The following DENND1B variants were observed in gnomAD, a reference collection of about 807,000 sequenced individuals.
DENND1B encodes DENN domain containing 1B, also known as DENN domain-containing protein 1B.
Under a neutral mutation model 90.1 loss-of-function variants are expected in DENND1B, and 59 were observed. That is an observed-to-expected ratio of 0.65 (90% CI 0.53 to 0.81). DENND1B has a LOEUF of 0.81. Ranked by LOEUF, DENND1B falls within the 40% of genes least tolerant of loss-of-function variation. DENND1B has a pLI of 0.00. For synonymous variants in DENND1B, 337 were observed against 324.6 expected, an observed-to-expected ratio of 1.04 and a Z score of -0.41; for missense variants, 862 against 912.6, an observed-to-expected ratio of 0.94 and a Z score of 0.71.
intron 15 of DENND1B, among the ~76,000 whole-genome samples, chr1:197,565,569 A>T (rs187162817): frequency 3.3e-5 from 5 of 151,422 alleles, no homozygotes; most frequent in Non-Finnish European, 5.9e-5. Flanking sequence ...TACAAGTGCC[A>T]TGCTGGTGTG....
At chr1:197,559,343 G>A (rs773671300) in intron 15 of DENND1B, among the ~76,000 whole-genome samples, 9 of 152,022 alleles carry the variant, frequency 5.9e-5, no homozygotes, top group Non-Finnish European at 1.2e-4. Context: ...AGGCAGTGGT[G>A]CAATTCTCTG....
intron 13 of DENND1B, among the ~76,000 whole-genome samples, chr1:197,602,964 C>T (rs1676340126): frequency 6.6e-6 from 1 of 151,264 alleles, no homozygotes; most frequent in East Asian, 1.9e-4. Context: ...TTCCTGAAAG[C>T]TTCACCATAA....
intron 6 of DENND1B, among the ~76,000 whole-genome samples, chr1:197,656,585 A>G (rs1653852534): frequency 6.6e-6 from 1 of 152,154 alleles, no homozygotes; most frequent in South Asian, 2.1e-4. Context: ...AGATCCCTTG[A>G]GGCCAAGAAT....
rs768565376 is a variant in DENND1B, at chr1:197,511,758, T to G, written c.1785A>C (p.Arg595Ser). 3.1e-6 allele frequency: 5 copies of G among 1,610,298 alleles called. No individual in the cohort carries two copies. Among genetic ancestry groups the G allele is most frequent in the Non-Finnish European group, 4.2e-6 (5 of 1,177,752 alleles). ...LAAAKSLDFFRSMDDIDYKPT... is the reference protein window; with the variant it reads ...LAAAKSLDFFSSMDDIDYKPT... ...GTTTGTAATCAATGTCATCCATTGA[T>G]CTAAAGAAATCCAAGCTCTTTGCAG... The change falls in exon 22 of 23, where the codon AGA becomes AGC. Residue 595 changes from arginine (R) to serine (S), a missense_variant. Arg to Ser is a moderately radical substitution (Grantham distance 110, BLOSUM62 -1). Coordinates refer to ENST00000620048, the MANE Select transcript of DENND1B (RefSeq NM_001195215.2).
intron 3 of DENND1B, among the ~76,000 whole-genome samples, chr1:197,705,448 T>C (rs1659433675): frequency 6.6e-6 from 1 of 152,168 alleles, no homozygotes; most frequent in South Asian, 2.1e-4. Flanking sequence ...CGCTTCTGTA[T>C]TTCACTAAGC....
chr1:197,654,801 G>T (rs1558361774), intron 6 of DENND1B, among the ~76,000 whole-genome samples: 1 of 151,942 alleles, frequency 6.6e-6, no homozygotes. Flanking sequence ...AAGGATTTCA[G>T]CTGATTTATC....
chr1:197,664,726 T>C (rs540624146), intron 5 of DENND1B, among the ~76,000 whole-genome samples: 10 of 152,240 alleles, frequency 6.6e-5, no homozygotes, highest in African/African-American at 2.4e-4. Context: ...TAGGAAAACA[T>C]CTAATGTCTA....
intron 10 of DENND1B, among the ~76,000 whole-genome samples, chr1:197,627,097 G>A (rs564191606): frequency 2.0e-4 from 31 of 152,210 alleles, no homozygotes; most frequent in African/African-American, 7.2e-4. Context: ...TCTACCAGAG[G>A]TACAAGGAGG....
At position 197,505,932 on chromosome 1, in the gene DENND1B, A is replaced by G. The variant is rs1667709501; in HGVS notation, c.*4528T>C. 1 of 151,460 alleles carries G rather than the reference A, an allele frequency of 6.6e-6. No individual in the cohort carries two copies. Among genetic ancestry groups the G allele is most frequent in the Non-Finnish European group, 1.5e-5 (1 of 67,618 alleles). 9.4% of individuals were successfully genotyped at this position (151,460 alleles called of 1,614,324 possible). ...TTAAAGTAACAGTATTGTCAATCTA[A>G]TCTAAGGTACAGGATTTTCTTATTG... On this transcript the variant is annotated 3_prime_UTR_variant, in exon 23 of 23. Coordinates refer to ENST00000620048, the MANE Select transcript of DENND1B (RefSeq NM_001195215.2).
At chr1:197,613,731 T>G (rs979773547) in intron 11 of DENND1B, among the ~76,000 whole-genome samples, 2 of 125,794 alleles carry the variant, frequency 1.6e-5, no homozygotes, top group African/African-American at 5.8e-5. Context: ...GGCCATAATC[T>G]TAAATATCTC....
At chr1:197,660,285 G>A (rs988112369) in intron 5 of DENND1B, among the ~76,000 whole-genome samples, 3 of 151,804 alleles carry the variant, frequency 2.0e-5, no homozygotes, top group South Asian at 4.1e-4. Context: ...GTATACCTAT[G>A]TAACAAACCT....
rs1553342799 is a variant in DENND1B at position 197,750,603 on chromosome 1, T to TAGAC, written c.82+22264_82+22265insGTCT. On this transcript the variant is annotated intron_variant, in intron 2 of 22. Coordinates refer to ENST00000620048, the MANE Select transcript of DENND1B (RefSeq NM_001195215.2). Reference sequence around the variant, plus strand: ...ATAGATAGATAGATAGATAGATAGATAGATAGATAAAGATATAGACATAGT... The same window carrying TAGAC: ...ATAGATAGATAGATAGATAGATAGATAGACAGATAGATAAAGATATAGACATAGT... Among the ~76,000 whole-genome samples the TAGAC allele has an allele frequency of 3.8e-3, 571 of 151,532 alleles. 3 individuals carry two copies. The highest frequency in any genetic ancestry group is 0.013 in the African/African-American group (545 of 41,380).
intron 3 of DENND1B, chr1:197,685,814 T>C (rs1313581204): frequency 6.6e-6 from 1 of 152,092 alleles, no homozygotes; most frequent in Non-Finnish European, 1.5e-5. Context: ...AATAGAAATA[T>C]TGGGAGCTAA....
chr1:197,688,965 A>G (rs888973982), intron 3 of DENND1B: 7 of 215,478 alleles, frequency 3.2e-5, no homozygotes, highest in African/African-American at 6.9e-5. Context: ...GAGTTTGAGC[A>G]TGGTATCACC....
rs761928256 is a variant in DENND1B, at chr1:197,540,049, G to C, written c.1430C>G (p.Thr477Ser). 6.2e-7 allele frequency: 1 copy of C among 1,606,910 alleles called. No individual in the cohort carries two copies. The highest frequency in any genetic ancestry group is 8.5e-7 in the Non-Finnish European group (1 of 1,176,708). Residue 477 changes from threonine to serine, a missense_variant, in exon 20 of 23, where the codon ACC becomes AGC. Thr to Ser is a moderately conservative substitution (Grantham distance 58). Coordinates refer to ENST00000620048, the MANE Select transcript of DENND1B (RefSeq NM_001195215.2). ...TGTATATTGTACAGAACTAGAACAG[G>C]TCCCATAATCTTCTTCATTTTCCTA... Reference protein sequence around the residue: ...KHKENEEDYGTCSSSVQYTPV... With the variant: ...KHKENEEDYGSCSSSVQYTPV...
chr1:197,688,983 T>C (rs1446632849), intron 3 of DENND1B: 3 of 215,404 alleles, frequency 1.4e-5, no homozygotes, highest in Non-Finnish European at 3.0e-5. Flanking sequence ...ACCACTGATA[T>C]CTCCACATGG....
chr1:197,760,075 C>A (rs1011746185), intron 2 of DENND1B, among the ~76,000 whole-genome samples: 2 of 151,934 alleles, frequency 1.3e-5, no homozygotes, highest in African/African-American at 2.4e-5. Flanking sequence ...AACTAAGATA[C>A]CCTGAAAAGG....
chr1:197,723,435 A>C (rs991271109), intron 2 of DENND1B, among the ~76,000 whole-genome samples: 4 of 152,182 alleles, frequency 2.6e-5, no homozygotes, highest in African/African-American at 9.7e-5. Context: ...CCTTCATGAG[A>C]GTTTTAAAAA....
At position 197,511,821 on chromosome 1, in the gene DENND1B, T is replaced by C. The variant is rs1404987891; in HGVS notation, c.1722A>G (p.Thr574=). The C allele has an allele frequency of 1.2e-6, 2 of 1,611,374 alleles. No individual in the cohort carries two copies. Among genetic ancestry groups the C allele is most frequent in the East Asian group, 2.2e-5 (1 of 44,796 alleles). ...CCTGATCTGAGCTGTGTGTGCTCAATGTATCAAGAATCTCTCCTAGTAAGT... is the reference window on the plus strand; with the variant it reads ...CCTGATCTGAGCTGTGTGTGCTCAACGTATCAAGAATCTCTCCTAGTAAGT... The part of the protein sequence containing the change: ...EMDLLGEILD[T]LSTHSSDQGK... Residue 574 remains threonine (T), a synonymous_variant, in exon 22 of 23, where the codon ACA becomes ACG. Coordinates refer to ENST00000620048, the MANE Select transcript of DENND1B (RefSeq NM_001195215.2).
Sources: allele counts gnomAD v4.1 joint callset (sites outside exome capture counted in the v4.1 genomes callset), GRCh38; gene constraint gnomAD v4.1.1; transcripts MANE v1.5; gene names NCBI Gene and HGNC (gene_info 2026-07-23, HGNC 2026-07-21).